The following PLEKHA8 variants were observed in gnomAD, a reference collection of about 807,000 sequenced individuals.
PLEKHA8 encodes the protein pleckstrin homology domain-containing family A member 8.
In PLEKHA8, 36 loss-of-function variants were observed where a neutral mutation model predicts 68.2. The observed-to-expected ratio is 0.53, with a 90% CI of 0.40 to 0.70. The LOEUF is 0.70. Ranked by LOEUF, PLEKHA8 falls within the 30% of genes least tolerant of loss-of-function variation. PLEKHA8 has a pLI of 0.00. For missense variants in PLEKHA8, 505 were observed against 615.4 expected, an observed-to-expected ratio of 0.82 and a Z score of 1.90; for synonymous variants, 211 against 216.1, an observed-to-expected ratio of 0.98 and a Z score of 0.20.
Position 30,080,295 on chromosome 7 carries a change from T to G in PLEKHA8, c.*1508T>G. 1 of 985,414 alleles carries G rather than the reference T, an allele frequency of 1.0e-6. No homozygotes were observed. The highest frequency in any genetic ancestry group is 1.2e-6 in the Non-Finnish European group (1 of 829,942). The allele number at this position is 985,414 out of a possible 1,614,324, so 61.0% of individuals were successfully genotyped here. ...TGGCCCTAGTCTCAGTAGACCATGC[T>G]GCCTCGAGTGTGCATCGGAGAGAAG... On this transcript the variant is annotated 3_prime_UTR_variant, in exon 14 of 14. Coordinates refer to ENST00000449726, the MANE Select transcript of PLEKHA8 (RefSeq NM_001197026.2).
At chr7:30,090,515 TG>T (rs1055770518) in exon 13 of PLEKHA8, 1 of 226,206 alleles carries the variant, frequency 4.4e-6, no homozygotes, top group African/African-American at 2.2e-5. Context: ...AAAAAGCTGG[TG>T]GTGAACCAAG....
chr7:30,090,923 G>C (rs1197730627), downstream of PLEKHA8, among the ~76,000 whole-genome samples: 1 of 152,182 alleles, frequency 6.6e-6, no homozygotes, highest in Non-Finnish European at 1.5e-5. Flanking sequence ...TGCTTTGGGA[G>C]GCCAAGGCAG....
At chr7:30,030,415 G>A (rs1276505419) in intron 1 of PLEKHA8, among the ~76,000 whole-genome samples, 1 of 152,112 alleles carries the variant, frequency 6.6e-6, no homozygotes, top group East Asian at 1.9e-4. Context: ...GACTGTCCTT[G>A]TGTATCCTTC....
chr7:30,124,327 C>T (rs1796739348), intron 13 of PLEKHA8, among the ~76,000 whole-genome samples: 1 of 152,146 alleles, frequency 6.6e-6, no homozygotes, highest in Admixed American at 6.5e-5. Context: ...ATGATGAAAG[C>T]ATGTGAACAT....
chr7:30,112,802 G>T (rs1796313905), intron 13 of PLEKHA8, among the ~76,000 whole-genome samples: 1 of 151,964 alleles, frequency 6.6e-6, no homozygotes, highest in Admixed American at 6.6e-5. Context: ...TTGGGAGGCT[G>T]AGGAGGGAGG....
At chr7:30,044,742 C>T (rs553584146) in intron 1 of PLEKHA8, among the ~76,000 whole-genome samples, 2 of 152,320 alleles carry the variant, frequency 1.3e-5, no homozygotes, top group Admixed American at 1.3e-4. Context: ...GTAAAAATCA[C>T]AGACTACTGG....
intron 13 of PLEKHA8, among the ~76,000 whole-genome samples, chr7:30,095,790 C>T (rs1795592056): frequency 6.6e-6 from 1 of 152,148 alleles, no homozygotes; most frequent in Non-Finnish European, 1.5e-5. Flanking sequence ...GAATCGTTTC[C>T]CCATTTCTTG....
At chr7:30,058,503 G>A (rs1793179613) in intron 9 of PLEKHA8, among the ~76,000 whole-genome samples, 1 of 146,602 alleles carries the variant, frequency 6.8e-6, no homozygotes, top group Non-Finnish European at 1.5e-5. Flanking sequence ...TGTGGTAACT[G>A]GTTGCTCAAG....
intron 6 of PLEKHA8, among the ~76,000 whole-genome samples, chr7:30,051,527 T>C (rs1158277428): frequency 6.6e-6 from 1 of 152,214 alleles, no homozygotes; most frequent in Non-Finnish European, 1.5e-5. Context: ...CTAATCATAA[T>C]GATAATATAT....
chr7:30,077,849 G>A (rs141676563), intron 13 of PLEKHA8, among the ~76,000 whole-genome samples: 24 of 152,274 alleles, frequency 1.6e-4, no homozygotes, highest in African/African-American at 5.3e-4. Flanking sequence ...GGCCCGCAAA[G>A]GAAGAGAAGG....
At chr7:30,051,297 T>C (rs911878541) in intron 6 of PLEKHA8, among the ~76,000 whole-genome samples, 2 of 152,194 alleles carry the variant, frequency 1.3e-5, no homozygotes, top group Non-Finnish European at 2.9e-5. Flanking sequence ...TCTCCTGTTC[T>C]AAATATTCTT....
At chr7:30,056,312 C>CTCTCTCTGTCTA (rs796845171) in intron 9 of PLEKHA8, among the ~76,000 whole-genome samples, 1 of 94,544 alleles carries the variant, frequency 1.1e-5, no homozygotes, top group Non-Finnish European at 2.1e-5. Context: ...CTCTCTCTCT[C>CTCTCTCTGTCTA]TATATATATA....
chr7:30,074,881 C>A (rs11971966), intron 13 of PLEKHA8, among the ~76,000 whole-genome samples: 25,522 of 152,146 alleles, frequency 0.17, 2,182 homozygotes, highest in Middle Eastern at 0.22. Flanking sequence ...GACTCTTAGT[C>A]TCCTGGGGAA....
chr7:30,074,172 G>A, intron 13 of PLEKHA8, 40 bp downstream of exon 13: 1 of 1,552,166 alleles, frequency 6.4e-7, no homozygotes, highest in African/African-American at 1.4e-5. Flanking sequence ...AACTGTATTG[G>A]GTATGCCAGT....
chr7:30,110,928 G>A lies in PLEKHA8; in HGVS notation c.1363-18338G>A, dbSNP rs575400316. ...TGAGGTTGTTTTTTTTTTTTTTCAC[G>A]GAGTCTCACTCTGTTGCCCAGACTG... On this transcript the variant is annotated intron_variant, in intron 13 of 13. Coordinates refer to the PLEKHA8 transcript ENST00000396257. Among the ~76,000 whole-genome samples the A allele has an allele frequency of 2.1e-5, 3 of 145,328 alleles. No individual in the cohort carries two copies. In the South Asian group the frequency reaches 6.5e-4, roughly 31 times the overall value.
chr7:30,074,262 G>GTA, intron 13 of PLEKHA8, 130 bp downstream of exon 13: 1 of 677,088 alleles, frequency 1.5e-6, no homozygotes, highest in Admixed American at 3.0e-5. Context: ...GTGTGTGTGT[G>GTA]TGTGTGTGTG....
intron 9 of PLEKHA8, among the ~76,000 whole-genome samples, chr7:30,058,950 G>A (rs535562040): frequency 7.2e-5 from 11 of 152,272 alleles, no homozygotes; most frequent in African/African-American, 2.6e-4. Context: ...AACAAAGTAA[G>A]ACCCTGTCTC....
chr7:30,116,219 T>C (rs923177697), intron 13 of PLEKHA8, among the ~76,000 whole-genome samples: 3 of 151,278 alleles, frequency 2.0e-5, no homozygotes, highest in African/African-American at 7.3e-5. Context: ...TATACATATG[T>C]ATATACGTAT....
At chr7:30,065,185 C>T (rs80149942) in intron 12 of PLEKHA8, among the ~76,000 whole-genome samples, 2,927 of 152,246 alleles carry the variant, frequency 0.019, 44 homozygotes, top group East Asian at 0.04. Flanking sequence ...TAATCACAGC[C>T]AGTCTCAGCT....
Sources: allele counts gnomAD v4.1 joint callset (sites outside exome capture counted in the v4.1 genomes callset), GRCh38; gene constraint gnomAD v4.1.1; transcripts MANE v1.5; gene names NCBI Gene and HGNC (gene_info 2026-07-23, HGNC 2026-07-21).